Variants in FGD4 observed in about 807,000 individuals in gnomAD.
FGD4 encodes the protein FYVE, RhoGEF and PH domain-containing protein 4.
A neutral mutation model predicts 102.0 loss-of-function variants in FGD4; 42 were observed. That is an observed-to-expected ratio of 0.41 (90% CI 0.32 to 0.53). FGD4 has a LOEUF of 0.53. Among genes scored for constraint, FGD4 ranks in the 20% least tolerant of loss-of-function variants. FGD4 has a pLI of 0.21. For missense variants in FGD4, 902 were observed against 1,078.2 expected (o/e 0.84, Z 2.29); for synonymous variants, 380 against 375.7 (o/e 1.01, Z -0.13).
Position 32,578,165 on chromosome 12 carries a change from G to A in FGD4, c.503+1716G>A, listed in dbSNP as rs1018053187. 4.6e-5 allele frequency among the ~76,000 whole-genome samples: 7 copies of A among 151,968 alleles called. No individual in the cohort carries two copies. In the East Asian group the frequency reaches 5.8e-4, roughly 13 times the overall value. On this transcript the variant is annotated intron_variant, in intron 3 of 16. Coordinates refer to ENST00000534526, the MANE Select transcript of FGD4 (RefSeq NM_001370298.3). The stretch of plus-strand genomic sequence containing the variant: ...ATTTTTTTTTAAGCAAGTTTGTTCC[G>A]AGTGCAAATTGGGTATAGTGTGTTT...
intron 11 of FGD4, among the ~76,000 whole-genome samples, chr12:32,620,521 T>TTTCTTTCTTTCTTTCTTTC (rs1491118045): frequency 4.6e-5 from 2 of 43,366 alleles, no homozygotes; most frequent in African/African-American, 1.9e-4. Flanking sequence ...TTTTTCTTTC[T>TTTCTTTCTTTCTTTCTTTC]TTTTTTTTTT....
chr12:32,631,521 T>C (rs908692611), intron 14 of FGD4, among the ~76,000 whole-genome samples: 1 of 151,014 alleles, frequency 6.6e-6, no homozygotes, highest in Non-Finnish European at 1.5e-5. Flanking sequence ...TTTTTTTTTT[T>C]TGAGGCGGAG....
chr12:32,473,351 ACACT>A (rs140550690), intron 1 of FGD4, among the ~76,000 whole-genome samples: 16,758 of 151,958 alleles, frequency 0.11, 1,009 homozygotes, highest in Middle Eastern at 0.29. Flanking sequence ...ATGAGCTGTA[ACACT>A]CACCGCGAAG....
At chr12:32,489,601 T>C (rs888298752) in intron 1 of FGD4, among the ~76,000 whole-genome samples, 1 of 152,242 alleles carries the variant, frequency 6.6e-6, no homozygotes, top group Non-Finnish European at 1.5e-5. Context: ...GGAAAGTTTA[T>C]GTATAAAAGG....
At chr12:32,477,934 C>T (rs1021891304) in intron 1 of FGD4, among the ~76,000 whole-genome samples, 3 of 152,150 alleles carry the variant, frequency 2.0e-5, no homozygotes, top group Admixed American at 1.3e-4. Flanking sequence ...CTCATTCACT[C>T]GAGTCATCTA....
chr12:32,519,119 G>GGA (rs1555193334), intron 1 of FGD4, among the ~76,000 whole-genome samples: 7 of 73,420 alleles, frequency 9.5e-5, no homozygotes, highest in Admixed American at 1.7e-4. Context: ...TCCGTCTCAG[G>GGA]AAAAAAAAAA....
chr12:32,401,275 TG>T (rs1394465528), intron 1 of FGD4, among the ~76,000 whole-genome samples: 2 of 152,262 alleles, frequency 1.3e-5, no homozygotes, highest in Non-Finnish European at 2.9e-5. Context: ...TCCTTATTTT[TG>T]TGAGACGGAG....
At chr12:32,618,210 C>T (rs1432983101) in intron 10 of FGD4, among the ~76,000 whole-genome samples, 1 of 152,198 alleles carries the variant, frequency 6.6e-6, no homozygotes, top group Non-Finnish European at 1.5e-5. Context: ...AATTTTATGC[C>T]ATACCATTAC....
intron 10 of FGD4, among the ~76,000 whole-genome samples, chr12:32,616,892 C>T (rs917254606): frequency 2.6e-5 from 4 of 152,154 alleles, no homozygotes; most frequent in Non-Finnish European, 5.9e-5. Flanking sequence ...TTCTGCAGTT[C>T]TGGAGGCTGG....
chr12:32,540,770 G>A lies in FGD4; in HGVS notation c.167-23367G>A, dbSNP rs529549516. Among the ~76,000 whole-genome samples, 10 of 152,038 alleles carry A rather than the reference G, an allele frequency of 6.6e-5. No individual in the cohort carries two copies. The South Asian group carries it at 1.5e-3, about 22-fold the overall frequency. ...AGTAGAGATGGGATTTCTCCATGTC[G>A]GTCAGGCTGGTCTCGAACTCCTGAC... On this transcript the variant is annotated intron_variant, in intron 1 of 16. Coordinates refer to ENST00000534526, the MANE Select transcript of FGD4 (RefSeq NM_001370298.3).
At chr12:32,498,595 GTTTT>G (rs1271309121) in intron 1 of FGD4, among the ~76,000 whole-genome samples, 1 of 151,694 alleles carries the variant, frequency 6.6e-6, no homozygotes, top group Non-Finnish European at 1.5e-5. Context: ...GTAGTTATTG[GTTTT>G]TTGTTTGTTT....
chr12:32,524,548 ATG>A (rs757840509), intron 1 of FGD4, among the ~76,000 whole-genome samples: 39 of 151,504 alleles, frequency 2.6e-4, no homozygotes, highest in Non-Finnish European at 4.9e-4. Context: ...AGAAAAAAAT[ATG>A]TGGCAGGCTC....
At chr12:32,569,169 C>G (rs1295578243) in intron 2 of FGD4, among the ~76,000 whole-genome samples, 1 of 152,194 alleles carries the variant, frequency 6.6e-6, no homozygotes, top group Non-Finnish European at 1.5e-5. Flanking sequence ...GTATCTCTCA[C>G]TACCTTTTCC....
In FGD4 at chr12:32,621,248, C is replaced by T. The variant is rs143703214; in HGVS notation, c.1922+1378C>T. 7.2e-3 allele frequency among the ~76,000 whole-genome samples: 1,099 copies of T among 152,076 alleles called. 4 individuals are homozygous for T. The highest frequency in any genetic ancestry group is 0.011 in the Non-Finnish European group (751 of 67,970). Reference sequence around the variant, plus strand: ...AAAATTAGCCAGGCATGATCCTGTTCCTGCACTCCAGCCTGGGCAACAGAG... The same window carrying T: ...AAAATTAGCCAGGCATGATCCTGTTTCTGCACTCCAGCCTGGGCAACAGAG... On this transcript the variant is annotated intron_variant, in intron 11 of 16. Transcript: ENST00000534526.
chr12:32,423,313 C>A (rs758595209), intron 1 of FGD4, among the ~76,000 whole-genome samples: 1 of 152,052 alleles, frequency 6.6e-6, no homozygotes, highest in Non-Finnish European at 1.5e-5. Flanking sequence ...AAGGAATAGG[C>A]CAGCACGGTG....
rs186472329 is a variant in FGD4, at chr12:32,544,818, A to G, written c.167-19319A>G. On this transcript the variant is annotated intron_variant, in intron 1 of 16. Transcript: ENST00000534526. The surrounding 1 kb of genome is among the most constrained non-coding windows in gnomAD (Gnocchi z 4.1). Reference sequence around the variant, plus strand: ...AGCTGAAAATTATGGAATTCATTTCATATAGCTTCCACTATAAATACTATT... The same window carrying G: ...AGCTGAAAATTATGGAATTCATTTCGTATAGCTTCCACTATAAATACTATT... 6.6e-6 allele frequency among the ~76,000 whole-genome samples: 1 copy of G among 152,198 alleles called. No individual in the cohort carries two copies. The highest frequency in any genetic ancestry group is 6.5e-5 in the Admixed American group (1 of 15,268).
At chr12:32,524,584 G>C (rs913318045) in intron 1 of FGD4, among the ~76,000 whole-genome samples, 1 of 151,734 alleles carries the variant, frequency 6.6e-6, no homozygotes, top group Non-Finnish European at 1.5e-5. Context: ...CAGCACTTTG[G>C]GGGGCCAAGA....
intron 1 of FGD4, among the ~76,000 whole-genome samples, chr12:32,546,233 TCTC>T (rs1451926641): frequency 6.6e-6 from 1 of 152,214 alleles, no homozygotes. Flanking sequence ...CTTTTCTTCT[TCTC>T]ATTATTTTAA....
intron 11 of FGD4, among the ~76,000 whole-genome samples, chr12:32,623,986 A>G (rs1399164976): frequency 6.6e-6 from 1 of 152,170 alleles, no homozygotes; most frequent in East Asian, 1.9e-4. Context: ...ATAGCTCCCT[A>G]AGGCTTTAGG....
Sources: gnomAD v4.1 joint callset for allele counts (sites outside exome capture counted in the v4.1 genomes callset) on GRCh38, gnomAD v4.1.1 for gene constraint, Gnocchi (gnomAD v3.1) non-coding constraint, MANE v1.5 for transcripts, NCBI Gene and HGNC (gene_info 2026-07-23, HGNC 2026-07-21) for gene names.